The following SLC35A3 variants were observed in gnomAD, a reference collection of about 807,000 sequenced individuals.
The protein encoded by SLC35A3 is solute carrier family 35 member A3.
SLC35A3 carries 26 observed loss-of-function variants against 39.0 expected under a neutral mutation model. The observed-to-expected ratio is 0.67, with a 90% CI of 0.49 to 0.92. The LOEUF is 0.92. Among genes scored for constraint, SLC35A3 ranks in the 40% least tolerant of loss-of-function variants. The probability of loss-of-function intolerance (pLI) is 0.00; values close to 1 mark genes in which losing one functional copy is unlikely to be tolerated. For missense variants in SLC35A3, 299 were observed against 371.6 expected (o/e 0.80, Z 1.61); for synonymous variants, 135 against 133.1 (o/e 1.01, Z -0.10).
chr1:99,982,240 A>G (rs543107899), intron 1 of SLC35A3, among the ~76,000 whole-genome samples: 43 of 152,074 alleles, frequency 2.8e-4, no homozygotes, highest in Non-Finnish European at 4.7e-4. Flanking sequence ...AGCTCAGGCA[A>G]TCCGCCCACC....
At chr1:99,981,541 G>A (rs1219059396) in intron 1 of SLC35A3, among the ~76,000 whole-genome samples, 4 of 151,318 alleles carry the variant, frequency 2.6e-5, no homozygotes, top group Non-Finnish European at 4.4e-5. Flanking sequence ...GTGTAGCAGC[G>A]GGATTTCGGC....
At chr1:99,970,286 G>A (rs535941309) in intron 1 of SLC35A3, 124 bp downstream of exon 1, 5 of 419,560 alleles carry the variant, frequency 1.2e-5, no homozygotes, top group African/African-American at 1.0e-4. Flanking sequence ...GAAGTCTGTA[G>A]GGGTGAAGGG....
Position 99,982,114 on chromosome 1 carries a change from C to T in SLC35A3, c.-18-11423C>T, listed in dbSNP as rs371749845. 4.6e-5 allele frequency among the ~76,000 whole-genome samples: 7 copies of T among 150,718 alleles called. No homozygotes were observed. The South Asian group carries it at 8.4e-4, about 18-fold the overall frequency. ...CCGCCTCTTGGGTTCAAGTGATTCT[C>T]GTGCCTCAGCCTCCTGAGTAGCTGG... On this transcript the variant is annotated intron_variant, in intron 1 of 7. Coordinates refer to ENST00000533028, the MANE Select transcript of SLC35A3 (RefSeq NM_012243.3).
intron 1 of SLC35A3, among the ~76,000 whole-genome samples, chr1:99,990,456 T>C (rs12090574): frequency 0.22 from 33,431 of 151,914 alleles, 5,077 homozygotes; most frequent in African/African-American, 0.43. Flanking sequence ...TGCTTGTAAT[T>C]CCAGCTACTC....
At chr1:99,982,483 A>G (rs536929568) in intron 1 of SLC35A3, among the ~76,000 whole-genome samples, 1 of 152,158 alleles carries the variant, frequency 6.6e-6, no homozygotes, top group South Asian at 2.1e-4. Flanking sequence ...TATAATGTAT[A>G]TTTTTTAAAT....
chr1:99,986,285 C>T (rs1385482310), intron 1 of SLC35A3, among the ~76,000 whole-genome samples: 1 of 151,570 alleles, frequency 6.6e-6, no homozygotes, highest in African/African-American at 2.4e-5. Flanking sequence ...TGACTTCAGC[C>T]TCCTGAGTAG....
In SLC35A3 at chr1:100,029,404, T is replaced by G. The variant is rs557815748; in HGVS notation, c.*6928T>G. The G allele has an allele frequency of 1.2e-4, 18 of 152,296 alleles. No homozygotes were observed. The highest frequency in any genetic ancestry group is 4.3e-4 in the African/African-American group (18 of 41,460). 9.4% of individuals were successfully genotyped at this position (152,296 alleles called of 1,614,324 possible). On this transcript the variant is annotated 3_prime_UTR_variant, in exon 8 of 8. Transcript: ENST00000533028. ...ATGAGGATGATACAAGCAACGACAA[T>G]TCTTCTTTTCAGAGACTTTTAATTT...
Position 100,030,747 on chromosome 1 carries a change from T to A in SLC35A3, c.*8271T>A, listed in dbSNP as rs1273653558. The A allele has an allele frequency of 6.6e-6, 1 of 152,222 alleles. No individual in the cohort carries two copies. The highest frequency in any genetic ancestry group is 1.5e-5 in the Non-Finnish European group (1 of 68,042). The allele number at this position is 152,222 out of a possible 1,614,324, so 9.4% of individuals were successfully genotyped here. A position where few individuals can be genotyped will look rare whatever the true frequency, so the allele number is the denominator to read the frequency against. On this transcript the variant is annotated 3_prime_UTR_variant, in exon 8 of 8. Transcript: ENST00000533028. ...CTAATAATTGAGGGTTTATTAAGTT[T>A]TTCCCTTTAGGCTAAAGTTTTATTT...
intron 2 of SLC35A3, among the ~76,000 whole-genome samples, chr1:99,997,943 C>G (rs1309070947): frequency 6.6e-6 from 1 of 152,088 alleles, no homozygotes; most frequent in African/African-American, 2.4e-5. Context: ...TTCCTCATAA[C>G]TCTGAAATCC....
Position 100,032,240 on chromosome 1 carries a change from C to T in SLC35A3, c.*9764C>T, listed in dbSNP as rs1379883056. The T allele has an allele frequency of 6.6e-6, 1 of 152,152 alleles. No homozygotes were observed. The highest frequency in any genetic ancestry group is 2.4e-5 in the African/African-American group (1 of 41,424). 9.4% of individuals were successfully genotyped at this position (152,152 alleles called of 1,614,324 possible). A position where few individuals can be genotyped will look rare whatever the true frequency, so the allele number is the denominator to read the frequency against. ...AATGTTTTAGCACCAGGAGAATATT[C>T]TGTTTCCCAATGCCTTTAGCATCAA... is the stretch of plus-strand genomic sequence containing the variant. On this transcript the variant is annotated 3_prime_UTR_variant, in exon 8 of 8. Coordinates refer to ENST00000533028, the MANE Select transcript of SLC35A3 (RefSeq NM_012243.3).
intron 2 of SLC35A3, among the ~76,000 whole-genome samples, chr1:99,994,331 T>A (rs1298271090): frequency 6.6e-6 from 1 of 152,116 alleles, no homozygotes; most frequent in Non-Finnish European, 1.5e-5. Flanking sequence ...TGTAAATTTT[T>A]AAATCACTTT....
intron 1 of SLC35A3, among the ~76,000 whole-genome samples, chr1:99,971,498 G>T (rs764188094): frequency 1.8e-4 from 27 of 151,936 alleles, no homozygotes; most frequent in Non-Finnish European, 2.9e-4. Flanking sequence ...TAATAGAGAC[G>T]GGGTTTCACC....
intron 1 of SLC35A3, among the ~76,000 whole-genome samples, chr1:99,990,707 G>A (rs907128094): frequency 1.3e-5 from 2 of 152,258 alleles, no homozygotes; most frequent in African/African-American, 2.4e-5. Context: ...TTAATAGACT[G>A]AATATTTGTG....
chr1:100,022,568 A>G lies in SLC35A3; in HGVS notation c.*92A>G, dbSNP rs576142384. The G allele has an allele frequency of 6.4e-6, 4 of 627,642 alleles. No individual in the cohort carries two copies. In the African/African-American group the frequency reaches 7.5e-5, roughly 12 times the overall value. The allele number at this position is 627,642 out of a possible 1,614,324, so 38.9% of individuals were successfully genotyped here. A position where few individuals can be genotyped will look rare whatever the true frequency, so the allele number is the denominator to read the frequency against. ...GAGGACTTCTACAGAGTCTGAGAAG[A>G]TATCATCATGCTGAATCTGATCATA... is the stretch of plus-strand genomic sequence containing the variant. On this transcript the variant is annotated 3_prime_UTR_variant, in exon 8 of 8. Transcript: ENST00000533028.
At chr1:99,973,211 T>C (rs1656918382) in intron 1 of SLC35A3, among the ~76,000 whole-genome samples, 2 of 152,214 alleles carry the variant, frequency 1.3e-5, no homozygotes, top group Non-Finnish European at 2.9e-5. Context: ...TGTGTGTGCA[T>C]GTAAGTGCCA....
At chr1:99,988,179 C>T (rs1169304016) in intron 1 of SLC35A3, among the ~76,000 whole-genome samples, 1 of 152,146 alleles carries the variant, frequency 6.6e-6, no homozygotes, top group Non-Finnish European at 1.5e-5. Flanking sequence ...TGCAGTCAAC[C>T]CTCAACCCCA....
chr1:99,997,410 T>TATATATATATA (rs1658469252), intron 2 of SLC35A3, among the ~76,000 whole-genome samples: 24 of 92,098 alleles, frequency 2.6e-4, no homozygotes, highest in East Asian at 6.1e-4. Context: ...ATATATAGTT[T>TATATATATATA]TATATATATA....
chr1:99,982,491 A>G (rs1657517280), intron 1 of SLC35A3, among the ~76,000 whole-genome samples: 1 of 152,070 alleles, frequency 6.6e-6, no homozygotes, highest in East Asian at 1.9e-4. Context: ...ATATTTTTTA[A>G]ATATTTAGAC....
Position 99,999,278 on chromosome 1 carries a change from C to G in SLC35A3, c.205C>G (p.Leu69Val), listed in dbSNP as rs1486735537. Residue 69 changes from leucine (L) to valine (V), a missense_variant, in exon 3 of 8, where the codon CTG becomes GTG. Coordinates refer to ENST00000533028, the MANE Select transcript of SLC35A3 (RefSeq NM_012243.3). ...YKDSKCSLRA[L>V]NRVLHDEILN... ...TTTTCTAGAATGTAGTCTAAGAGCACTGAATCGAGTACTACATGATGAAAT... is the reference window on the plus strand; with the variant it reads ...TTTTCTAGAATGTAGTCTAAGAGCAGTGAATCGAGTACTACATGATGAAAT... The G allele has an allele frequency of 2.6e-6, 4 of 1,558,922 alleles. No homozygotes were observed. The South Asian group carries it at 3.7e-5, about 14-fold the overall frequency.
Sources: gnomAD v4.1 joint callset for allele counts (sites outside exome capture counted in the v4.1 genomes callset) on GRCh38, gnomAD v4.1.1 for gene constraint, MANE v1.5 for transcripts, NCBI Gene and HGNC (gene_info 2026-07-23, HGNC 2026-07-21) for gene names.